Variants in BMP7 observed in about 807,000 individuals in gnomAD.
BMP7 encodes bone morphogenetic protein 7.
BMP7 carries 12 observed loss-of-function variants against 41.2 expected under a neutral mutation model. The observed-to-expected ratio is 0.29, with a 90% CI of 0.19 to 0.47. BMP7 has a LOEUF of 0.47. Ranked by LOEUF, BMP7 falls within the 20% of genes least tolerant of loss-of-function variation. The probability of loss-of-function intolerance (pLI) is 0.99; values close to 1 mark genes in which losing one functional copy is unlikely to be tolerated. For missense variants in BMP7, 467 were observed against 606.0 expected, an observed-to-expected ratio of 0.77 and a Z score of 2.41; for synonymous variants, 248 against 250.0, an observed-to-expected ratio of 0.99 and a Z score of 0.07.
intron 1 of BMP7, among the ~76,000 whole-genome samples, chr20:57,260,311 G>A (rs2146032651): frequency 6.6e-6 from 1 of 152,218 alleles, no homozygotes; most frequent in Middle Eastern, 3.4e-3. Flanking sequence ...TGAAGGACCA[G>A]CATCCCCAGT....
chr20:57,183,698 G>A (rs1984141542), intron 4 of BMP7, 24 bp downstream of exon 4: 1 of 1,613,030 alleles, frequency 6.2e-7, no homozygotes, highest in Admixed American at 1.7e-5. Flanking sequence ...TGGTGGGTCT[G>A]TGATCCCTCC....
At chr20:57,207,649 A>G (rs1268767246) in intron 2 of BMP7, among the ~76,000 whole-genome samples, 1 of 152,208 alleles carries the variant, frequency 6.6e-6, no homozygotes, top group African/African-American at 2.4e-5. Flanking sequence ...CTTGTTGACA[A>G]GGTGGAAATA....
rs1440422485 is a variant in BMP7, at chr20:57,202,542, GGTGGCT to G, written c.687_692del (p.Ala230_Thr231del). 2.5e-6 allele frequency: 4 copies of G among 1,611,454 alleles called. No individual in the cohort carries two copies. The highest frequency in any genetic ancestry group is 3.4e-6 in the Non-Finnish European group (4 of 1,179,968). ...GCGGATTGACCACCCAGTGGTTGCTGGTGGCTGTGATGTCAAACACCAGCCAGCCCT... is the reference window on the plus strand; with the variant it reads ...GCGGATTGACCACCCAGTGGTTGCTGGTGATGTCAAACACCAGCCAGCCCT... On this transcript the variant is annotated inframe_deletion, in exon 3 of 7. Transcript: ENST00000395863.
In BMP7 at chr20:57,171,273, C is replaced by T. The variant is rs1934096584; in HGVS notation, c.1147-165G>A. 6.6e-6 allele frequency among the ~76,000 whole-genome samples: 1 copy of T among 152,232 alleles called. No homozygotes were observed. The highest frequency in any genetic ancestry group is 2.1e-4 in the South Asian group (1 of 4,832). On this transcript the variant is annotated intron_variant, in intron 6 of 6. Transcript: ENST00000395863. The surrounding 1 kb of genome is among the most constrained non-coding windows in gnomAD (Gnocchi z 4.5). ...TTCTAAGCACTTTACATGGACAACT[C>T]AGTTCTGGGATTATCCCTGTTTTGC...
chr20:57,260,324 C>T (rs2066149166), intron 1 of BMP7, among the ~76,000 whole-genome samples: 1 of 152,200 alleles, frequency 6.6e-6, no homozygotes, highest in African/African-American at 2.4e-5. Context: ...TCCCCAGTCA[C>T]TGCCTCTACA....
intron 3 of BMP7, among the ~76,000 whole-genome samples, chr20:57,190,348 G>A (rs1022657115): frequency 1.3e-5 from 2 of 150,024 alleles, no homozygotes; most frequent in Admixed American, 6.6e-5. Context: ...GACAGTGAGC[G>A]AGGAACCAGA....
Position 57,214,598 on chromosome 20 carries a change from G to A in BMP7, c.612-11975C>T, listed in dbSNP as rs938282662. Among the ~76,000 whole-genome samples the A allele has an allele frequency of 4.6e-5, 7 of 151,894 alleles. No individual in the cohort carries two copies. The highest frequency in any genetic ancestry group is 1.7e-4 in the African/African-American group (7 of 41,342). On this transcript the variant is annotated intron_variant, in intron 2 of 6. Transcript: ENST00000395863. The surrounding 1 kb of genome is among the most constrained non-coding windows in gnomAD (Gnocchi z 4.0). ...CCCACCACAGCCCCTCACACATGCTGTTTCCGCTGCCTGCAACACTGTTCC... is the reference window on the plus strand; with the variant it reads ...CCCACCACAGCCCCTCACACATGCTATTTCCGCTGCCTGCAACACTGTTCC...
At chr20:57,191,985 T>C (rs1462938614) in intron 3 of BMP7, among the ~76,000 whole-genome samples, 1 of 126,984 alleles carries the variant, frequency 7.9e-6, no homozygotes, top group Non-Finnish European at 1.6e-5. Flanking sequence ...TATTATATAA[T>C]TGTATATTAT....
intron 3 of BMP7, among the ~76,000 whole-genome samples, chr20:57,194,966 G>A (rs61106926): frequency 0.015 from 2,231 of 152,288 alleles, 61 homozygotes; most frequent in African/African-American, 0.051. Flanking sequence ...GGTGACTTAC[G>A]GGGACCCCAA....
chr20:57,195,248 G>A (rs925331575), intron 3 of BMP7, among the ~76,000 whole-genome samples: 2 of 152,178 alleles, frequency 1.3e-5, no homozygotes, highest in South Asian at 4.2e-4. Flanking sequence ...GTGGCATCTC[G>A]GTTTCCTTGT....
chr20:57,216,193 C>G (rs559094659), intron 2 of BMP7, among the ~76,000 whole-genome samples: 3 of 152,136 alleles, frequency 2.0e-5, no homozygotes, highest in African/African-American at 7.2e-5. Flanking sequence ...TAGGCCCTCA[C>G]CAGGTCCCAG....
chr20:57,191,720 G>C (rs1984361850), intron 3 of BMP7, among the ~76,000 whole-genome samples: 1 of 134,758 alleles, frequency 7.4e-6, no homozygotes, highest in South Asian at 2.3e-4. Flanking sequence ...GACAGAGTGA[G>C]ACTCCACCTA....
At chr20:57,231,508 C>T (rs2066029394) in intron 1 of BMP7, among the ~76,000 whole-genome samples, 1 of 152,180 alleles carries the variant, frequency 6.6e-6, no homozygotes, top group Admixed American at 6.5e-5. Context: ...CAGGTCTGCC[C>T]CCTGAAGGAG....
intron 2 of BMP7, among the ~76,000 whole-genome samples, chr20:57,204,921 AG>A (rs1252785276): frequency 3.3e-5 from 5 of 152,188 alleles, no homozygotes; most frequent in Non-Finnish European, 7.4e-5. Context: ...TGGGCCCTTT[AG>A]GAGGTGATTA....
At chr20:57,195,592 T>C (rs943619355) in intron 3 of BMP7, among the ~76,000 whole-genome samples, 1 of 152,258 alleles carries the variant, frequency 6.6e-6, no homozygotes, top group Non-Finnish European at 1.5e-5. Flanking sequence ...TGGAGCCAGC[T>C]GCGCCGTGGG....
In BMP7 at chr20:57,223,506, C is replaced by T. The variant is rs79825172; in HGVS notation, c.611+4723G>A. Among the ~76,000 whole-genome samples, 1,071 of 152,306 alleles carry T rather than the reference C, an allele frequency of 7.0e-3. 9 individuals carry two copies. Among genetic ancestry groups the T allele is most frequent in the African/African-American group, 0.024 (1,014 of 41,554 alleles). ...GTGAGGGAATCAGCACTATGGGAAT[C>T]ACTGAGGCACGGCCATGGCTAAGAT... On this transcript the variant is annotated intron_variant, in intron 2 of 6. Transcript: ENST00000395863.
intron 3 of BMP7, among the ~76,000 whole-genome samples, chr20:57,202,053 G>A (rs1252393008): frequency 6.6e-6 from 1 of 152,236 alleles, no homozygotes; most frequent in African/African-American, 2.4e-5. Context: ...CTAGCATCTA[G>A]TGAGTAAGAG....
rs7270912 is a variant in BMP7, at chr20:57,205,488, G to T, written c.612-2865C>A. Among the ~76,000 whole-genome samples the T allele has an allele frequency of 9.4e-3, 1,428 of 152,252 alleles. 21 individuals carry two copies. Among genetic ancestry groups the T allele is most frequent in the African/African-American group, 0.033 (1,367 of 41,528 alleles). On this transcript the variant is annotated intron_variant, in intron 2 of 6. Coordinates refer to ENST00000395863, the MANE Select transcript of BMP7 (RefSeq NM_001719.3). ...CCAAGGTTGTCAATGAACCATTAGC[G>T]ATTCTCAACAATTAACAGATGAGAC... is the stretch of plus-strand genomic sequence containing the variant.
intron 3 of BMP7, among the ~76,000 whole-genome samples, chr20:57,185,331 C>T (rs1008746760): frequency 6.6e-6 from 1 of 152,186 alleles, no homozygotes; most frequent in Non-Finnish European, 1.5e-5. Flanking sequence ...CAGTTTCCCC[C>T]AAAGGTGATG....
Sources: gnomAD v4.1 joint callset for allele counts (sites outside exome capture counted in the v4.1 genomes callset) on GRCh38, gnomAD v4.1.1 for gene constraint, Gnocchi (gnomAD v3.1) non-coding constraint, MANE v1.5 for transcripts, NCBI Gene and HGNC (gene_info 2026-07-23, HGNC 2026-07-21) for gene names.